Variants in LRRC4C observed in about 807,000 individuals in gnomAD.
LRRC4C encodes the protein leucine-rich repeat-containing protein 4C.
Under a neutral mutation model 33.6 loss-of-function variants are expected in LRRC4C, and 5 were observed. The ratio of observed to expected loss-of-function variants is 0.15; its 90% CI spans 0.08 to 0.31. The LOEUF is 0.31. Ranked by LOEUF, LRRC4C falls within the 10% of genes least tolerant of loss-of-function variation. LRRC4C has a pLI of 1.00. For synonymous variants in LRRC4C, 329 were observed against 302.0 expected, an observed-to-expected ratio of 1.09 and a Z score of -0.93; for missense variants, 560 against 796.7, an observed-to-expected ratio of 0.70 and a Z score of 3.58.
chr11:40,243,175 A>G lies in LRRC4C; in HGVS notation c.-175-1577T>C, dbSNP rs1866053866. On this transcript the variant is annotated intron_variant, in intron 4 of 6. Coordinates refer to ENST00000528697, the MANE Select transcript of LRRC4C (RefSeq NM_001258419.2). Reference sequence around the variant, plus strand: ...TGTATGGTAATGTAATGACAGCAAGATACCCTTTTAAGTTTTATGTGTTCA... The same window carrying G: ...TGTATGGTAATGTAATGACAGCAAGGTACCCTTTTAAGTTTTATGTGTTCA... 2.0e-5 allele frequency among the ~76,000 whole-genome samples: 3 copies of G among 152,318 alleles called. No homozygotes were observed. In the South Asian group the frequency reaches 6.2e-4, roughly 32 times the overall value.
rs368841383 is a variant in LRRC4C at position 40,591,324 on chromosome 11, G to A, written c.-270+56818C>T. ...TGCTTCCTTAGTGAGGCAATGCCTCGCCCTGCTTCAGCTGGTGCACGGTGC... is the reference window on the plus strand; with the variant it reads ...TGCTTCCTTAGTGAGGCAATGCCTCACCCTGCTTCAGCTGGTGCACGGTGC... On this transcript the variant is annotated intron_variant, in intron 3 of 6. Coordinates refer to ENST00000528697, the MANE Select transcript of LRRC4C (RefSeq NM_001258419.2). 3.6e-3 allele frequency among the ~76,000 whole-genome samples: 544 copies of A among 152,212 alleles called. 2 individuals are homozygous for A. The highest frequency in any genetic ancestry group is 0.01 in the African/African-American group (420 of 41,520).
At chr11:41,014,576 G>T (rs1855447747) in intron 1 of LRRC4C, among the ~76,000 whole-genome samples, 1 of 151,066 alleles carries the variant, frequency 6.6e-6, no homozygotes, top group African/African-American at 2.4e-5. Flanking sequence ...TATAATGGAA[G>T]ATAAACCTGG....
intron 1 of LRRC4C, among the ~76,000 whole-genome samples, chr11:41,442,011 C>T (rs186716094): frequency 1.3e-3 from 195 of 152,194 alleles, no homozygotes; most frequent in Admixed American, 2.1e-3. Context: ...TTTACATATG[C>T]ATTAATATTT....
chr11:40,738,573 A>G (rs1320760816), intron 2 of LRRC4C, among the ~76,000 whole-genome samples: 1 of 152,160 alleles, frequency 6.6e-6, no homozygotes, highest in Admixed American at 6.5e-5. Context: ...ATACAATTAT[A>G]TAAAATCAAT....
At chr11:41,327,968 A>G (rs1951174248) in intron 1 of LRRC4C, among the ~76,000 whole-genome samples, 1 of 152,132 alleles carries the variant, frequency 6.6e-6, no homozygotes, top group Admixed American at 6.5e-5. Flanking sequence ...ACAGTATGAA[A>G]ATGGACTAAT....
At position 40,511,461 on chromosome 11, in the gene LRRC4C, T is replaced by C. The variant is rs139195583; in HGVS notation, c.-270+136681A>G. On this transcript the variant is annotated intron_variant, in intron 3 of 6. Transcript: ENST00000528697. ...ACATTAATCTAGGAACTAAAATTGC[T>C]ATGGACCAGTGCCTACTAAATGCTT... 3.9e-5 allele frequency among the ~76,000 whole-genome samples: 6 copies of C among 152,306 alleles called. No homozygotes were observed. The East Asian group carries it at 9.7e-4, about 25-fold the overall frequency.
intron 1 of LRRC4C, among the ~76,000 whole-genome samples, chr11:41,401,489 C>G (rs952003971): frequency 2.6e-5 from 4 of 151,828 alleles, no homozygotes; most frequent in African/African-American, 7.2e-5. Context: ...GGTCCTGGCT[C>G]TCATAGTGTC....
intron 1 of LRRC4C, among the ~76,000 whole-genome samples, chr11:40,933,993 T>G (rs1051523774): frequency 9.2e-5 from 14 of 152,200 alleles, no homozygotes; most frequent in African/African-American, 3.4e-4. Flanking sequence ...TTTGTCTTTC[T>G]ATTGGACTGT....
intron 2 of LRRC4C, among the ~76,000 whole-genome samples, chr11:40,711,722 GAA>G (rs5791398): frequency 1.2e-3 from 159 of 136,866 alleles, no homozygotes; most frequent in Non-Finnish European, 1.7e-3. Flanking sequence ...TTCAGAGTTA[GAA>G]AAAAAAAAAA....
chr11:41,263,979 G>T (rs1591099558), intron 1 of LRRC4C, among the ~76,000 whole-genome samples: 1 of 151,978 alleles, frequency 6.6e-6, no homozygotes, highest in African/African-American at 2.4e-5. Flanking sequence ...AGTTTTCTTT[G>T]TCTATCATCC....
intron 2 of LRRC4C, among the ~76,000 whole-genome samples, chr11:40,770,140 G>T (rs1367509119): frequency 3.3e-5 from 5 of 152,144 alleles, no homozygotes; most frequent in Non-Finnish European, 7.4e-5. Context: ...ATAAAGAACT[G>T]CCCGAGACTG....
intron 5 of LRRC4C, among the ~76,000 whole-genome samples, chr11:40,156,672 A>C (rs1227847365): frequency 2.6e-5 from 4 of 151,964 alleles, no homozygotes; most frequent in African/African-American, 9.7e-5. Flanking sequence ...AAACAAAAAA[A>C]CCCAACAACA....
chr11:40,958,600 TTTGA>T (rs1172315767), intron 1 of LRRC4C, among the ~76,000 whole-genome samples: 1 of 151,766 alleles, frequency 6.6e-6, no homozygotes, highest in East Asian at 1.9e-4. Context: ...TCCTCATTTC[TTTGA>T]TTAAGGAAAA....
At chr11:41,153,069 C>T (rs991914725) in intron 1 of LRRC4C, among the ~76,000 whole-genome samples, 2 of 152,114 alleles carry the variant, frequency 1.3e-5, no homozygotes, top group Non-Finnish European at 2.9e-5. Context: ...TCACTTGTAG[C>T]TTCCTAAGCC....
chr11:40,434,798 A>G (rs7946007), intron 3 of LRRC4C, among the ~76,000 whole-genome samples: 63,755 of 151,974 alleles, frequency 0.42, 13,662 homozygotes, highest in East Asian at 0.53. Context: ...TTTGATTTAA[A>G]TGTACCATTT....
chr11:41,383,101 C>G (rs1953219256), intron 1 of LRRC4C, among the ~76,000 whole-genome samples: 1 of 152,038 alleles, frequency 6.6e-6, no homozygotes, highest in Non-Finnish European at 1.5e-5. Context: ...AGCTTGTGCA[C>G]AGCCTCTATA....
chr11:40,367,451 C>T (rs552818271), intron 3 of LRRC4C, among the ~76,000 whole-genome samples: 1 of 152,194 alleles, frequency 6.6e-6, no homozygotes, highest in East Asian at 1.9e-4. Flanking sequence ...TGATGCTGCA[C>T]TAGTATTTCT....
At chr11:40,595,114 A>C (rs1959202292) in intron 3 of LRRC4C, among the ~76,000 whole-genome samples, 1 of 152,078 alleles carries the variant, frequency 6.6e-6, no homozygotes, top group Non-Finnish European at 1.5e-5. Context: ...CCAAGATAAT[A>C]GTGTTAAATT....
chr11:40,416,708 G>T (rs1444207799), intron 3 of LRRC4C, among the ~76,000 whole-genome samples: 2 of 152,080 alleles, frequency 1.3e-5, no homozygotes, highest in Non-Finnish European at 2.9e-5. Context: ...GAGATTTACT[G>T]GCTTCCTTAT....
Sources: gnomAD v4.1 joint callset for allele counts (sites outside exome capture counted in the v4.1 genomes callset) on GRCh38, gnomAD v4.1.1 for gene constraint, MANE v1.5 for transcripts, NCBI Gene and HGNC (gene_info 2026-07-23, HGNC 2026-07-21) for gene names.